Variants in PLAAT1 observed in about 807,000 individuals in gnomAD.
PLAAT1 encodes the protein H-REV107 protein-related protein.
PLAAT1 carries 13 observed loss-of-function variants against 16.4 expected under a neutral mutation model. The ratio of observed to expected loss-of-function variants is 0.79; its 90% CI spans 0.52 to 1.26. PLAAT1 has a LOEUF of 1.26. Ranked by LOEUF, PLAAT1 falls within the 50% of genes most tolerant of loss-of-function variation. PLAAT1 has a pLI of 0.00. For missense variants in PLAAT1, 218 were observed against 207.8 expected (o/e 1.05, Z -0.30); for synonymous variants, 73 against 78.4 (o/e 0.93, Z 0.36).
At chr3:193,240,944 C>T (rs576622285), upstream of PLAAT1, among the ~76,000 whole-genome samples, 28 of 152,214 alleles carry the variant, frequency 1.8e-4, no homozygotes, top group African/African-American at 6.7e-4. Flanking sequence ...AACCGCGGCG[C>T]CTAGCACAGC....
chr3:193,265,295 C>T (rs1231317208), intron 3 of PLAAT1, among the ~76,000 whole-genome samples: 3 of 152,140 alleles, frequency 2.0e-5, no homozygotes, highest in African/African-American at 7.2e-5. Flanking sequence ...AATGTAATAT[C>T]TTTCAATAAT....
At chr3:193,241,091 G>T (rs1486763644), upstream of PLAAT1, 15 of 756,064 alleles carry the variant, frequency 2.0e-5, no homozygotes, top group Middle Eastern at 4.6e-4. Context: ...AGGCGGCTGC[G>T]TCGGGGCGCG....
chr3:193,249,179 A>T (rs1329939227), intron 1 of PLAAT1, among the ~76,000 whole-genome samples: 1 of 151,958 alleles, frequency 6.6e-6, no homozygotes, highest in African/African-American at 2.4e-5. Context: ...GAAAGATCTG[A>T]TGGGGGTCCC....
chr3:193,270,918 A>C, downstream of PLAAT1: 1 of 1,006,992 alleles, frequency 9.9e-7, no homozygotes, highest in Non-Finnish European at 1.3e-6. Flanking sequence ...GCTTGAACGG[A>C]GAAGCAGTAG....
At chr3:193,242,187 T>TCTC (rs987777654) in intron 1 of PLAAT1, among the ~76,000 whole-genome samples, 1 of 151,726 alleles carries the variant, frequency 6.6e-6, no homozygotes, top group Non-Finnish European at 1.5e-5. Flanking sequence ...CCAAGACAGT[T>TCTC]CTCCCAGTGT....
chr3:193,263,056 G>C lies in PLAAT1; in HGVS notation c.226G>C (p.Gly76Arg), dbSNP rs763242642. Residue 76 changes from glycine (G) to arginine (R), a missense_variant, in exon 3 of 4, where the codon GGA becomes CGA. Physicochemically the swap from Gly to Arg is moderately radical, Grantham distance 125 (BLOSUM62 -2). Transcript: ENST00000264735. ...AATGCAGCTCTTGAAGGATGTTGTG[G>C]GAAATGACACATACAGAATAAACAA... ...VKMQLLKDVV[G>R]NDTYRINNKY... The C allele has an allele frequency of 1.9e-6, 3 of 1,613,948 alleles. No homozygotes were observed. In the African/African-American group the frequency reaches 4.0e-5, roughly 22 times the overall value.
downstream of PLAAT1, among the ~76,000 whole-genome samples, chr3:193,273,440 T>C (rs1717053215): frequency 6.6e-6 from 1 of 152,238 alleles, no homozygotes. Flanking sequence ...GCATTTATGC[T>C]GGTGGTTTGT....
Position 193,276,705 on chromosome 3 carries a change from C to T in PLAAT1, c.*60-931C>T, listed in dbSNP as rs1399192297. Reference sequence around the variant, plus strand: ...ATAAGCACCTGCTGAAAATGAGATCCTTAATTTGTTTATCTTCCTAGAAAA... The same window carrying T: ...ATAAGCACCTGCTGAAAATGAGATCTTTAATTTGTTTATCTTCCTAGAAAA... On this transcript the variant is annotated intron_variant and NMD_transcript_variant, in intron 2 of 2. Coordinates refer to the PLAAT1 transcript ENST00000416012. The T allele has an allele frequency of 1.1e-5, 16 of 1,392,280 alleles. No individual in the cohort carries two copies. The Admixed American group carries it at 3.1e-4, about 27-fold the overall frequency. The allele number at this position is 1,392,280 out of a possible 1,614,324, so 86.2% of individuals were successfully genotyped here. A position where few individuals can be genotyped will look rare whatever the true frequency, so the allele number is the denominator to read the frequency against.
chr3:193,250,998 C>T (rs141563574), intron 1 of PLAAT1, among the ~76,000 whole-genome samples: 103 of 152,268 alleles, frequency 6.8e-4, no homozygotes, highest in African/African-American at 2.5e-3. Flanking sequence ...GTTGCTGGAG[C>T]GAGCAGGGGA....
intron 1 of PLAAT1, among the ~76,000 whole-genome samples, chr3:193,241,900 T>C (rs1715768040): frequency 6.6e-6 from 1 of 152,202 alleles, no homozygotes; most frequent in South Asian, 2.1e-4. Flanking sequence ...CTGGAAAAAG[T>C]CACTCATGTT....
downstream of PLAAT1, among the ~76,000 whole-genome samples, chr3:193,272,264 A>G (rs1423671749): frequency 6.6e-6 from 1 of 152,080 alleles, no homozygotes; most frequent in Admixed American, 6.6e-5. Flanking sequence ...TAACATGGTG[A>G]AACCCCGTCT....
At chr3:193,254,779 G>C (rs1716315100) in intron 1 of PLAAT1, among the ~76,000 whole-genome samples, 1 of 152,124 alleles carries the variant, frequency 6.6e-6, no homozygotes, top group African/African-American at 2.4e-5. Context: ...AGGAAGGAGA[G>C]TCATGAAAAT....
chr3:193,271,225 G>A (rs879556195), downstream of PLAAT1, among the ~76,000 whole-genome samples: 21 of 152,218 alleles, frequency 1.4e-4, 1 homozygote, highest in Admixed American at 9.2e-4. Flanking sequence ...CTTCCTGCCT[G>A]TGTAGATGAG....
intron 1 of PLAAT1, among the ~76,000 whole-genome samples, chr3:193,253,881 A>G (rs1716283251): frequency 6.6e-6 from 1 of 152,086 alleles, no homozygotes; most frequent in Non-Finnish European, 1.5e-5. Flanking sequence ...AATAGGGTAG[A>G]GATAGTGCAT....
At chr3:193,275,677 A>C (rs1717163236), downstream of PLAAT1, among the ~76,000 whole-genome samples, 1 of 152,204 alleles carries the variant, frequency 6.6e-6, no homozygotes, top group African/African-American at 2.4e-5. Context: ...AAAGGTGTCT[A>C]AGCGTTTGTT....
intron 1 of PLAAT1, among the ~76,000 whole-genome samples, 154 bp downstream of exon 1, chr3:193,241,687 G>A (rs1477237329): frequency 6.6e-6 from 1 of 152,298 alleles, no homozygotes; most frequent in East Asian, 1.9e-4. Context: ...AGTCCACAGG[G>A]CAAGAGACTT....
intron 1 of PLAAT1, among the ~76,000 whole-genome samples, chr3:193,249,309 T>C (rs187146995): frequency 3.0e-4 from 46 of 152,198 alleles, no homozygotes; most frequent in Admixed American, 2.0e-3. Context: ...TCCTGTTAGA[T>C]GTTTGTCAAG....
chr3:193,240,870 GTGGGTGTACTCATGA>G (rs559895117), upstream of PLAAT1, among the ~76,000 whole-genome samples: 323 of 152,266 alleles, frequency 2.1e-3, 10 homozygotes, highest in South Asian at 0.063. Flanking sequence ...GGCTAGAAGA[GTGGGTGTACTCATGA>G]TGGGTGTACC....
chr3:193,273,698 A>G (rs1487606627), downstream of PLAAT1, among the ~76,000 whole-genome samples: 3 of 152,200 alleles, frequency 2.0e-5, no homozygotes, highest in Admixed American at 6.5e-5. Flanking sequence ...ACTAGAAATA[A>G]ATTTTCTCTC....
Sources: allele counts gnomAD v4.1 joint callset (sites outside exome capture counted in the v4.1 genomes callset), GRCh38; gene constraint gnomAD v4.1.1; transcripts MANE v1.5; gene names NCBI Gene and HGNC (gene_info 2026-07-23, HGNC 2026-07-21).